The following MPP7 variants were observed in gnomAD, a reference collection of about 807,000 sequenced individuals.
MPP7 encodes the protein MAGUK p55 subfamily member 7.
MPP7 carries 60 observed loss-of-function variants against 76.5 expected under a neutral mutation model. That is an observed-to-expected ratio of 0.78 (90% CI 0.64 to 0.97). MPP7 has a LOEUF of 0.97. Among genes scored for constraint, MPP7 ranks in the 50% least tolerant of loss-of-function variants. MPP7 has a pLI of 0.00. For missense variants in MPP7, 641 were observed against 694.0 expected (o/e 0.92, Z 0.86); for synonymous variants, 237 against 244.5 (o/e 0.97, Z 0.29).
At chr10:28,174,690 T>A (rs190606399) in intron 3 of MPP7, among the ~76,000 whole-genome samples, 9 of 152,124 alleles carry the variant, frequency 5.9e-5, no homozygotes, top group Admixed American at 1.3e-4. Flanking sequence ...ATACAAAGAG[T>A]TGAATGAAAA....
intron 1 of MPP7, among the ~76,000 whole-genome samples, chr10:28,241,754 A>T (rs1839277268): frequency 6.6e-6 from 1 of 152,230 alleles, no homozygotes; most frequent in Non-Finnish European, 1.5e-5. Flanking sequence ...TATCAAGTGC[A>T]CCTGAAGCAT....
intron 1 of MPP7, among the ~76,000 whole-genome samples, chr10:28,275,025 C>T (rs143259911): frequency 2.0e-5 from 3 of 152,252 alleles, no homozygotes; most frequent in African/African-American, 2.4e-5. Flanking sequence ...TTGATGAAAT[C>T]GGCTTAAATG....
At chr10:28,161,351 A>AC (rs1282358179) in intron 3 of MPP7, among the ~76,000 whole-genome samples, 21 of 65,402 alleles carry the variant, frequency 3.2e-4, no homozygotes, top group African/African-American at 1.1e-3. Context: ...ACCCCCTCCC[A>AC]CCCCCCGCAG....
At chr10:28,102,645 A>T (rs919923499) in intron 11 of MPP7, among the ~76,000 whole-genome samples, 2 of 152,196 alleles carry the variant, frequency 1.3e-5, no homozygotes, top group Admixed American at 6.5e-5. Context: ...TTCCCATCTC[A>T]GTAAATAGTA....
At chr10:28,082,957 T>C (rs1224796827) in intron 12 of MPP7, among the ~76,000 whole-genome samples, 1 of 152,178 alleles carries the variant, frequency 6.6e-6, no homozygotes, top group African/African-American at 2.4e-5. Flanking sequence ...TTTGCACAGA[T>C]TATTTTGTTT....
chr10:28,213,962 C>A (rs1838230893), intron 2 of MPP7, among the ~76,000 whole-genome samples: 1 of 152,066 alleles, frequency 6.6e-6, no homozygotes, highest in South Asian at 2.1e-4. Flanking sequence ...CCTTTATTCA[C>A]TCATTCATTA....
At chr10:28,250,677 T>C (rs1266639408) in intron 1 of MPP7, among the ~76,000 whole-genome samples, 1 of 152,238 alleles carries the variant, frequency 6.6e-6, no homozygotes, top group Non-Finnish European at 1.5e-5. Flanking sequence ...TTCTTATTGC[T>C]TTCTTTGCAA....
intron 2 of MPP7, among the ~76,000 whole-genome samples, chr10:28,321,948 CGTGTGTGTGTGTGT>C (rs3064171): frequency 2.2e-3 from 312 of 143,460 alleles, no homozygotes; most frequent in Non-Finnish European, 3.9e-3. Flanking sequence ...TTTTTGTAGA[CGTGTGTGTGTGTGT>C]GTGTGTGTGT....
intron 9 of MPP7, 66 bp downstream of exon 9, chr10:28,120,528 A>G (rs1376769499): frequency 6.6e-7 from 1 of 1,515,328 alleles, no homozygotes; most frequent in African/African-American, 1.4e-5. Flanking sequence ...CAAAGTGGAT[A>G]TGTGTTGGAT....
At chr10:28,308,554 C>G (rs1424473332) in intron 2 of MPP7, among the ~76,000 whole-genome samples, 1 of 152,138 alleles carries the variant, frequency 6.6e-6, no homozygotes, top group Admixed American at 6.5e-5. Context: ...TAAGAGTCAC[C>G]AAGGGGCTAG....
intron 11 of MPP7, among the ~76,000 whole-genome samples, chr10:28,091,287 C>CTT (rs57320934): frequency 6.3e-5 from 9 of 143,738 alleles, no homozygotes; most frequent in Admixed American, 1.4e-4. Flanking sequence ...AAACAGATAA[C>CTT]TTTTTTTTTT....
intron 1 of MPP7, among the ~76,000 whole-genome samples, chr10:28,285,858 TTTAA>T (rs1005353119): frequency 3.3e-5 from 5 of 152,072 alleles, no homozygotes; most frequent in Non-Finnish European, 5.9e-5. Flanking sequence ...TTTTTTTTTA[TTTAA>T]TTATGATAAC....
chr10:28,218,845 C>T (rs12247867), intron 2 of MPP7, among the ~76,000 whole-genome samples: 1,811 of 152,116 alleles, frequency 0.012, 42 homozygotes, highest in African/African-American at 0.041. Flanking sequence ...ATACCCAGCA[C>T]GACCTAGGGC....
intron 5 of MPP7, among the ~76,000 whole-genome samples, chr10:28,144,052 G>A (rs1331511217): frequency 2.6e-5 from 4 of 152,012 alleles, no homozygotes; most frequent in African/African-American, 4.8e-5. Flanking sequence ...CACCATACCC[G>A]GGATTTTTGT....
chr10:28,056,396 T>A, intron 16 of MPP7, 84 bp downstream of exon 16: 1 of 1,411,932 alleles, frequency 7.1e-7, no homozygotes, highest in Non-Finnish European at 9.6e-7. Flanking sequence ...TGGACTCAAA[T>A]GATCCTCCTG....
At chr10:28,219,968 G>A (rs1236593649) in intron 2 of MPP7, among the ~76,000 whole-genome samples, 1 of 152,028 alleles carries the variant, frequency 6.6e-6, no homozygotes, top group East Asian at 1.9e-4. Context: ...AACCCTGAGA[G>A]AGGCAATCTC....
intron 13 of MPP7, among the ~76,000 whole-genome samples, chr10:28,068,874 A>G (rs1449324830): frequency 2.0e-5 from 3 of 152,236 alleles, no homozygotes; most frequent in Non-Finnish European, 2.9e-5. Context: ...ATGTGTACTA[A>G]AATTCATCAT....
chr10:28,168,891 T>G (rs1455335217), intron 3 of MPP7, among the ~76,000 whole-genome samples: 1 of 152,212 alleles, frequency 6.6e-6, no homozygotes, highest in African/African-American at 2.4e-5. Context: ...CTAAAATTGA[T>G]TTTGGTTTAT....
rs1386826147 is a variant in MPP7 at position 28,150,149 on chromosome 10, T to A, written c.157-90A>T. On this transcript the variant is annotated intron_variant, in intron 3 of 16. Coordinates refer to ENST00000683449, the MANE Select transcript of MPP7 (RefSeq NM_001318170.2). ...TTTATACTTGAAAAGAGAATCTGAA[T>A]CCTTGAATATCCTAAAGTTATATGT... The A allele has an allele frequency of 1.1e-5, 9 of 827,302 alleles. No homozygotes were observed. The Admixed American group carries it at 1.9e-4, about 18-fold the overall frequency. 51.2% of individuals were successfully genotyped at this position (827,302 alleles called of 1,614,324 possible). A position where few individuals can be genotyped will look rare whatever the true frequency, so the allele number is the denominator to read the frequency against.
Sources: gnomAD v4.1 joint callset for allele counts (sites outside exome capture counted in the v4.1 genomes callset) on GRCh38, gnomAD v4.1.1 for gene constraint, MANE v1.5 for transcripts, NCBI Gene and HGNC (gene_info 2026-07-23, HGNC 2026-07-21) for gene names.